SGK1: variants seen among roughly 807,000 people sequenced by gnomAD.
SGK1 encodes the protein serine/threonine-protein kinase Sgk1.
SGK1 carries 26 observed loss-of-function variants against 64.2 expected under a neutral mutation model. The ratio of observed to expected loss-of-function variants is 0.40; its 90% CI spans 0.30 to 0.56. The LOEUF (loss-of-function observed/expected upper bound fraction) is 0.56, where lower values mean the gene tolerates loss of function less well. Among genes scored for constraint, SGK1 ranks in the 20% least tolerant of loss-of-function variants. SGK1 has a pLI of 0.38. For missense variants in SGK1, 519 were observed against 645.6 expected (o/e 0.80, Z 2.12); for synonymous variants, 265 against 239.7 (o/e 1.11, Z -0.98).
rs202041836 is a variant in SGK1 at position 134,215,134 on chromosome 6, C to CTT, written c.286-7705_286-7704dup. The CTT allele has an allele frequency of 1.7e-3, 684 of 391,908 alleles. 1 individual carries two copies. Among genetic ancestry groups the CTT allele is most frequent in the Middle Eastern group, 4.3e-3 (5 of 1,150 alleles). 24.3% of individuals were successfully genotyped at this position (391,908 alleles called of 1,614,324 possible). ...GAGAGTAAGTTTTCTTTCTTTCTTT[C>CTT]TTTTTTTTTTTTTGAGAGAGCTTTG... On this transcript the variant is annotated intron_variant, in intron 2 of 13. Coordinates refer to ENST00000367858, the MANE Select transcript of SGK1 (RefSeq NM_001143676.3).
At chr6:134,220,697 C>T (rs186767679) in intron 2 of SGK1, among the ~76,000 whole-genome samples, 4 of 152,074 alleles carry the variant, frequency 2.6e-5, no homozygotes, top group Admixed American at 6.5e-5. Flanking sequence ...TATTATTATC[C>T]ATTTTGTACC....
At chr6:134,264,848 A>C (rs1489858812) in intron 1 of SGK1, among the ~76,000 whole-genome samples, 3 of 152,124 alleles carry the variant, frequency 2.0e-5, no homozygotes, top group African/African-American at 7.2e-5. Context: ...GGGTCTTGCT[A>C]TATTGCCCAG....
chr6:134,221,712 GCA>G (rs1776093186), intron 2 of SGK1, among the ~76,000 whole-genome samples: 1 of 151,918 alleles, frequency 6.6e-6, no homozygotes, highest in Non-Finnish European at 1.5e-5. Context: ...GAGTGCAGAG[GCA>G]CAGTCTGTGC....
chr6:134,297,851 C>T, intron 1 of SGK1: 1 of 763,742 alleles, frequency 1.3e-6, no homozygotes, highest in East Asian at 2.7e-5. Context: ...TCCCAGCCAG[C>T]ATCTGCAGCT....
intron 1 of SGK1, among the ~76,000 whole-genome samples, chr6:134,285,780 T>A (rs544594894): frequency 6.6e-6 from 1 of 152,262 alleles, no homozygotes; most frequent in South Asian, 2.1e-4. Flanking sequence ...AGGATAAAGA[T>A]GTCTGTAAAA....
At position 134,265,631 on chromosome 6, in the gene SGK1, T is replaced by TACAC. The variant is rs71545096; in HGVS notation, c.70-3484_70-3483insGTGT. The stretch of plus-strand genomic sequence containing the variant: ...TTTTATATATATACATATATATATA[T>TACAC]ACATATATATATACACAGAAACACT... On this transcript the variant is annotated intron_variant, in intron 1 of 13. Transcript: ENST00000367858. 6.1e-3 allele frequency among the ~76,000 whole-genome samples: 875 copies of TACAC among 144,564 alleles called. 2 individuals carry two copies. The highest frequency in any genetic ancestry group is 7.8e-3 in the Non-Finnish European group (522 of 66,788). 94.8% of individuals were successfully genotyped at this position (144,564 alleles called of 152,430 possible).
intron 1 of SGK1, among the ~76,000 whole-genome samples, chr6:134,272,141 C>T (rs1776948441): frequency 3.1e-5 from 4 of 129,458 alleles, no homozygotes; most frequent in Admixed American, 2.5e-4. Flanking sequence ...CGTGCCCAGC[C>T]TTTTTTTTTT....
In SGK1 at chr6:134,275,144, G is replaced by T. The variant is rs535443675; in HGVS notation, c.70-12996C>A. On this transcript the variant is annotated intron_variant, in intron 1 of 13. Transcript: ENST00000367858. ...AAAAAATAAAAATAATCTGTGGCTG[G>T]GTGCATTGGCTCACCTCATCTCTTA... Among the ~76,000 whole-genome samples the T allele has an allele frequency of 5.3e-5, 8 of 151,272 alleles. No individual in the cohort carries two copies. In the East Asian group the frequency reaches 1.6e-3, roughly 29 times the overall value.
At chr6:134,297,405 T>C in intron 1 of SGK1, 1 of 750,906 alleles carries the variant, frequency 1.3e-6, no homozygotes, top group South Asian at 1.3e-5. Context: ...CTCCCCATGC[T>C]GCTCGGCATC....
chr6:134,296,023 C>T (rs1458152866), intron 1 of SGK1, among the ~76,000 whole-genome samples: 2 of 152,190 alleles, frequency 1.3e-5, no homozygotes, highest in African/African-American at 4.8e-5. Flanking sequence ...AACAGATGGT[C>T]AGCATAGAAT....
At chr6:134,183,881 T>A (rs1775376318) in intron 3 of SGK1, among the ~76,000 whole-genome samples, 1 of 104,192 alleles carries the variant, frequency 9.6e-6, no homozygotes, top group Non-Finnish European at 1.8e-5. Context: ...CGGCATTGGA[T>A]CCTTCGGTCA....
At chr6:134,273,452 G>A (rs932222135) in intron 1 of SGK1, among the ~76,000 whole-genome samples, 11 of 148,762 alleles carry the variant, frequency 7.4e-5, no homozygotes, top group African/African-American at 2.7e-4. Flanking sequence ...AATTAGCCGG[G>A]CGTAGTGGTG....
intron 1 of SGK1, among the ~76,000 whole-genome samples, chr6:134,270,539 G>A (rs996652433): frequency 6.8e-6 from 1 of 148,094 alleles, no homozygotes; most frequent in African/African-American, 2.4e-5. Context: ...TCTTTAACAC[G>A]CAAGACCTAT....
At chr6:134,232,279 G>A (rs1186652333) in intron 2 of SGK1, among the ~76,000 whole-genome samples, 1 of 151,494 alleles carries the variant, frequency 6.6e-6, no homozygotes, top group Non-Finnish European at 1.5e-5. Flanking sequence ...CAGCTATTCG[G>A]GAGGTTGAGG....
At chr6:134,221,299 G>A (rs535370964) in intron 2 of SGK1, among the ~76,000 whole-genome samples, 5 of 152,164 alleles carry the variant, frequency 3.3e-5, no homozygotes, top group South Asian at 2.1e-4. Flanking sequence ...GTGAGACTCC[G>A]CCTCAAAAAA....
chr6:134,286,576 C>T (rs906766887), intron 1 of SGK1, among the ~76,000 whole-genome samples: 2 of 151,000 alleles, frequency 1.3e-5, no homozygotes, highest in African/African-American at 4.9e-5. Context: ...AAGCCATTCT[C>T]CTGCCTCAGC....
chr6:134,304,586 C>T (rs537778800), intron 1 of SGK1, among the ~76,000 whole-genome samples: 6 of 152,210 alleles, frequency 3.9e-5, no homozygotes, highest in African/African-American at 1.4e-4. Flanking sequence ...GATTGCACCA[C>T]TGCATTCCAG....
intron 2 of SGK1, among the ~76,000 whole-genome samples, chr6:134,226,955 T>C (rs935323982): frequency 1.3e-5 from 2 of 152,166 alleles, no homozygotes; most frequent in Non-Finnish European, 2.9e-5. Flanking sequence ...CCCAGAATGC[T>C]GGGATTACAG....
At chr6:134,219,760 C>A (rs375451041) in intron 2 of SGK1, among the ~76,000 whole-genome samples, 73 of 122,342 alleles carry the variant, frequency 6.0e-4, no homozygotes, top group African/African-American at 1.0e-3. Context: ...AACTCTGTCT[C>A]AAAAAAAAAA....
Sources: allele counts gnomAD v4.1 joint callset (sites outside exome capture counted in the v4.1 genomes callset), GRCh38; gene constraint gnomAD v4.1.1; transcripts MANE v1.5; gene names NCBI Gene and HGNC (gene_info 2026-07-23, HGNC 2026-07-21).